The following SLC2A13 variants were observed in gnomAD, a reference collection of about 807,000 sequenced individuals.
SLC2A13 encodes proton myo-inositol cotransporter.
A neutral mutation model predicts 64.4 loss-of-function variants in SLC2A13; 32 were observed. The ratio of observed to expected loss-of-function variants is 0.50; its 90% CI spans 0.37 to 0.67. The LOEUF (loss-of-function observed/expected upper bound fraction) is 0.67. SLC2A13 is among the 30% of genes least tolerant of loss of function. SLC2A13 has a pLI of 0.00. For missense variants in SLC2A13, 743 were observed against 829.2 expected (o/e 0.90, Z 1.28); for synonymous variants, 338 against 327.1 (o/e 1.03, Z -0.36).
chr12:39,911,520 G>C (rs78905082), intron 4 of SLC2A13, among the ~76,000 whole-genome samples: 3,691 of 152,160 alleles, frequency 0.024, 157 homozygotes, highest in African/African-American at 0.083. Flanking sequence ...AATCATAAAA[G>C]GGGATTTAAT....
At chr12:39,874,788 G>C (rs1326178477) in intron 4 of SLC2A13, among the ~76,000 whole-genome samples, 1 of 152,166 alleles carries the variant, frequency 6.6e-6, no homozygotes, top group Non-Finnish European at 1.5e-5. Context: ...GATTAAATCT[G>C]TTCTATGAAG....
chr12:40,043,334 A>C (rs1365744494), intron 2 of SLC2A13, among the ~76,000 whole-genome samples: 2 of 152,146 alleles, frequency 1.3e-5, no homozygotes, highest in Non-Finnish European at 2.9e-5. Flanking sequence ...AAGATTTAAA[A>C]ATATTAGCAA....
chr12:39,803,300 T>A (rs145784982), intron 7 of SLC2A13, among the ~76,000 whole-genome samples: 8 of 151,334 alleles, frequency 5.3e-5, no homozygotes, highest in African/African-American at 1.9e-4. Flanking sequence ...TAGACTTATA[T>A]GACAATTATA....
At chr12:39,867,566 T>A (rs770821940) in intron 5 of SLC2A13, among the ~76,000 whole-genome samples, 12 of 152,144 alleles carry the variant, frequency 7.9e-5, no homozygotes, top group Non-Finnish European at 1.0e-4. Context: ...ATGGATAATA[T>A]GACTCTACAT....
intron 3 of SLC2A13, among the ~76,000 whole-genome samples, chr12:39,960,321 CTTGAG>C (rs1263575411): frequency 2.0e-5 from 3 of 152,196 alleles, no homozygotes; most frequent in East Asian, 3.9e-4. Flanking sequence ...TGCACATTCT[CTTGAG>C]TTTTCTACAT....
At chr12:39,901,691 A>G (rs1393748439) in intron 4 of SLC2A13, among the ~76,000 whole-genome samples, 1 of 131,448 alleles carries the variant, frequency 7.6e-6, no homozygotes, top group African/African-American at 2.9e-5. Flanking sequence ...GTCAGGAAAC[A>G]ACAGGTGCTG....
chr12:39,869,279 G>A (rs1394282490), intron 5 of SLC2A13, among the ~76,000 whole-genome samples: 1 of 152,152 alleles, frequency 6.6e-6, no homozygotes, highest in African/African-American at 2.4e-5. Context: ...TTCTTATTCT[G>A]AAGGTGTAAA....
intron 1 of SLC2A13, among the ~76,000 whole-genome samples, chr12:40,104,972 GCAACAAC>G (rs2136312758): frequency 6.6e-6 from 1 of 152,250 alleles, no homozygotes; most frequent in African/African-American, 2.4e-5. Flanking sequence ...GTGCTGAGAG[GCAACAAC>G]CACTTGGACT....
At chr12:40,054,641 T>C (rs564501405) in intron 1 of SLC2A13, among the ~76,000 whole-genome samples, 2 of 152,340 alleles carry the variant, frequency 1.3e-5, no homozygotes, top group African/African-American at 4.8e-5. Context: ...GACACTGCAG[T>C]GCGACCGGAT....
chr12:40,047,985 C>G, intron 2 of SLC2A13, 66 bp downstream of exon 2: 1 of 1,437,672 alleles, frequency 7.0e-7, no homozygotes, highest in Non-Finnish European at 9.4e-7. Flanking sequence ...ACTATGATTT[C>G]TCAATTTTTC....
chr12:39,822,399 AAAAC>A (rs960333114), intron 7 of SLC2A13, among the ~76,000 whole-genome samples: 2 of 152,180 alleles, frequency 1.3e-5, no homozygotes, highest in African/African-American at 4.8e-5. Context: ...GTATCTATAA[AAAAC>A]AAATTAAAAT....
intron 1 of SLC2A13, among the ~76,000 whole-genome samples, chr12:40,100,575 T>C (rs1939110610): frequency 6.6e-6 from 1 of 152,172 alleles, no homozygotes; most frequent in Non-Finnish European, 1.5e-5. Flanking sequence ...TTCAATCCTG[T>C]TGTAACTAAC....
intron 7 of SLC2A13, among the ~76,000 whole-genome samples, chr12:39,782,043 C>T (rs1322290851): frequency 6.6e-6 from 1 of 152,184 alleles, no homozygotes; most frequent in East Asian, 1.9e-4. Context: ...TGGGCTTGTA[C>T]TTGGTGGGGT....
chr12:39,843,928 T>C (rs1430957542), intron 6 of SLC2A13, among the ~76,000 whole-genome samples: 1 of 152,002 alleles, frequency 6.6e-6, no homozygotes, highest in Non-Finnish European at 1.5e-5. Context: ...GTTATCAGTA[T>C]GCTTTTTTCC....
At chr12:39,923,690 G>GCA (rs1195057830) in intron 4 of SLC2A13, among the ~76,000 whole-genome samples, 2 of 36,442 alleles carry the variant, frequency 5.5e-5, no homozygotes, top group Non-Finnish European at 1.1e-4. Flanking sequence ...ATATATATGC[G>GCA]CACGCGCACA....
intron 6 of SLC2A13, among the ~76,000 whole-genome samples, chr12:39,849,994 C>G (rs1212892234): frequency 1.3e-5 from 2 of 151,960 alleles, no homozygotes; most frequent in African/African-American, 4.8e-5. Flanking sequence ...GATTCTGTGT[C>G]TTTCCTCATT....
chr12:39,810,765 T>C (rs1942133332), intron 7 of SLC2A13, among the ~76,000 whole-genome samples: 1 of 152,162 alleles, frequency 6.6e-6, no homozygotes, highest in African/African-American at 2.4e-5. Context: ...CTTAATATAA[T>C]GAATTACATC....
At chr12:39,892,377 T>A (rs1469783694) in intron 4 of SLC2A13, among the ~76,000 whole-genome samples, 3 of 152,208 alleles carry the variant, frequency 2.0e-5, no homozygotes, top group Non-Finnish European at 4.4e-5. Context: ...TTCTTGGAAC[T>A]GTCTGGCCCG....
intron 3 of SLC2A13, among the ~76,000 whole-genome samples, chr12:39,981,633 T>G (rs1242215354): frequency 6.6e-6 from 1 of 151,856 alleles, no homozygotes; most frequent in African/African-American, 2.4e-5. Context: ...CAGGAAGAAG[T>G]TGAATCTCTG....
Sources: allele counts gnomAD v4.1 joint callset (sites outside exome capture counted in the v4.1 genomes callset), GRCh38; gene constraint gnomAD v4.1.1; transcripts MANE v1.5; gene names NCBI Gene and HGNC (gene_info 2026-07-23, HGNC 2026-07-21).